PARN: variants seen among roughly 807,000 people sequenced by gnomAD.
PARN encodes poly(A)-specific ribonuclease PARN.
Under a neutral mutation model 102.8 loss-of-function variants are expected in PARN, and 71 were observed. The observed-to-expected ratio is 0.69, with a 90% CI of 0.57 to 0.84. The LOEUF (loss-of-function observed/expected upper bound fraction) is 0.84. PARN is among the 40% of genes least tolerant of loss of function. The pLI is 0.00. For missense variants in PARN, 782 were observed against 760.9 expected, an observed-to-expected ratio of 1.03 and a Z score of -0.33; for synonymous variants, 261 against 252.9, an observed-to-expected ratio of 1.03 and a Z score of -0.30.
chr16:14,467,928 CATTT>C (rs1238322877), intron 22 of PARN, among the ~76,000 whole-genome samples: 2 of 152,184 alleles, frequency 1.3e-5, no homozygotes, highest in East Asian at 1.9e-4. Flanking sequence ...CCTGCTCATT[CATTT>C]ATTTAAACGT....
chr16:14,542,877 G>C (rs996422013), intron 21 of PARN, among the ~76,000 whole-genome samples: 2 of 152,172 alleles, frequency 1.3e-5, no homozygotes, highest in Non-Finnish European at 2.9e-5. Flanking sequence ...TGGAGTCTCA[G>C]AGGAGAAGAA....
chr16:14,620,282 C>G (rs1430596399), intron 5 of PARN, among the ~76,000 whole-genome samples: 1 of 151,990 alleles, frequency 6.6e-6, no homozygotes, highest in East Asian at 1.9e-4. Flanking sequence ...GAGGCTGAGG[C>G]AGGAGAATGG....
At chr16:14,437,990 C>A (rs529296819) in intron 23 of PARN, among the ~76,000 whole-genome samples, 1 of 152,248 alleles carries the variant, frequency 6.6e-6, no homozygotes, top group Non-Finnish European at 1.5e-5. Context: ...GGTGAGGAGA[C>A]CGGGAAAGGG....
At chr16:14,495,085 G>A (rs549967332) in intron 21 of PARN, among the ~76,000 whole-genome samples, 4 of 152,242 alleles carry the variant, frequency 2.6e-5, no homozygotes, top group South Asian at 2.1e-4. Context: ...TAGGAGCACC[G>A]GCCTTTAATC....
chr16:14,621,486 T>C (rs531925241), intron 5 of PARN, among the ~76,000 whole-genome samples: 5 of 152,348 alleles, frequency 3.3e-5, no homozygotes, highest in Admixed American at 3.3e-4. Flanking sequence ...GTAAAATTTA[T>C]GTTACATATA....
intron 21 of PARN, among the ~76,000 whole-genome samples, chr16:14,513,122 A>C (rs796247971): frequency 3.3e-5 from 5 of 152,054 alleles, no homozygotes; most frequent in African/African-American, 1.2e-4. Flanking sequence ...ACGGGGTTTC[A>C]CCATGTTGGC....
intron 18 of PARN, among the ~76,000 whole-genome samples, chr16:14,559,624 G>T (rs908492657): frequency 3.3e-5 from 5 of 151,790 alleles, no homozygotes; most frequent in Non-Finnish European, 4.4e-5. Context: ...TCACCCTGTT[G>T]TGCTATCAAA....
At chr16:14,446,830 T>G in intron 23 of PARN, 58 bp downstream of exon 23, 2 of 1,247,412 alleles carry the variant, frequency 1.6e-6, no homozygotes, top group Admixed American at 2.4e-5. Flanking sequence ...AAAATAGGAG[T>G]TTCTAGAGCA....
intron 18 of PARN, among the ~76,000 whole-genome samples, chr16:14,569,283 T>C (rs1032920395): frequency 6.6e-6 from 1 of 152,100 alleles, no homozygotes; most frequent in Non-Finnish European, 1.5e-5. Context: ...ATTTCCATTA[T>C]TTTCTTCAAG....
intron 21 of PARN, among the ~76,000 whole-genome samples, chr16:14,492,299 A>G (rs1207260023): frequency 1.3e-5 from 2 of 152,204 alleles, no homozygotes; most frequent in Non-Finnish European, 2.9e-5. Flanking sequence ...CGCCTGACCC[A>G]TGAGATGCAC....
chr16:14,604,990 A>C (rs1206782792), intron 10 of PARN, among the ~76,000 whole-genome samples: 1 of 152,128 alleles, frequency 6.6e-6, no homozygotes, highest in African/African-American at 2.4e-5. Flanking sequence ...CTCAGGCTGG[A>C]GTGCAGTGGC....
intron 14 of PARN, among the ~76,000 whole-genome samples, chr16:14,585,134 C>T (rs1969763558): frequency 6.6e-6 from 1 of 152,214 alleles, no homozygotes; most frequent in African/African-American, 2.4e-5. Context: ...GAGTCAAATA[C>T]TCTCACATGG....
chr16:14,485,129 A>G (rs1157459693), intron 21 of PARN, among the ~76,000 whole-genome samples: 1 of 152,208 alleles, frequency 6.6e-6, no homozygotes, highest in Non-Finnish European at 1.5e-5. Flanking sequence ...CTGAAATGTG[A>G]GCTGAAAACA....
At chr16:14,580,770 C>G in intron 18 of PARN, 104 bp downstream of exon 18, 1 of 633,408 alleles carries the variant, frequency 1.6e-6, no homozygotes, top group Admixed American at 2.4e-5. Flanking sequence ...AACAGCTTAT[C>G]TAAAAATGTG....
chr16:14,622,662 G>A (rs920689491), intron 5 of PARN, among the ~76,000 whole-genome samples: 3 of 152,122 alleles, frequency 2.0e-5, no homozygotes, highest in Non-Finnish European at 2.9e-5. Flanking sequence ...CCGCCCCCAC[G>A]CCTGGCTAAT....
At chr16:14,457,571 G>A (rs1345046276) in intron 22 of PARN, among the ~76,000 whole-genome samples, 2 of 151,892 alleles carry the variant, frequency 1.3e-5, no homozygotes, top group Non-Finnish European at 2.9e-5. Context: ...AGGCCGAGGT[G>A]GGCAGATCAC....
intron 21 of PARN, among the ~76,000 whole-genome samples, chr16:14,488,362 G>A (rs547638652): frequency 1.3e-5 from 2 of 152,234 alleles, no homozygotes; most frequent in Non-Finnish European, 2.9e-5. Flanking sequence ...AAAAGGACAG[G>A]CATAAAAGAA....
At chr16:14,532,119 TC>T (rs1255853412) in intron 21 of PARN, among the ~76,000 whole-genome samples, 1 of 146,646 alleles carries the variant, frequency 6.8e-6, no homozygotes, top group East Asian at 2.0e-4. Flanking sequence ...AATAAATAAA[TC>T]CCCCCAACCA....
chr16:14,615,163 A>G lies in PARN; in HGVS notation c.388+2427T>C, dbSNP rs538171913. Among the ~76,000 whole-genome samples, 35 of 152,318 alleles carry G rather than the reference A, an allele frequency of 2.3e-4. 2 individuals are homozygous for G. In the South Asian group the frequency reaches 6.8e-3, roughly 30 times the overall value. ...AGGGTCTAAGTCAGATTTAGAGCAT[A>G]TCAACAACGGCATGGGATGAGGCTT... On this transcript the variant is annotated intron_variant, in intron 6 of 23. Coordinates refer to ENST00000437198, the MANE Select transcript of PARN (RefSeq NM_002582.4).
Sources: gnomAD v4.1 joint callset for allele counts (sites outside exome capture counted in the v4.1 genomes callset) on GRCh38, gnomAD v4.1.1 for gene constraint, MANE v1.5 for transcripts, NCBI Gene and HGNC (gene_info 2026-07-23, HGNC 2026-07-21) for gene names.